Variants in MBP observed in about 807,000 individuals in gnomAD.
MBP encodes the protein myelin basic protein, also known as Golli-MBP.
In MBP, 16 loss-of-function variants were observed where a neutral mutation model predicts 35.8. The observed-to-expected ratio is 0.45, with a 90% CI of 0.30 to 0.68. The LOEUF (loss-of-function observed/expected upper bound fraction) is 0.68. MBP is among the 30% of genes least tolerant of loss of function. The probability of loss-of-function intolerance (pLI) is 0.08; values close to 1 mark genes in which losing one functional copy is unlikely to be tolerated. For synonymous variants in MBP, 143 were observed against 159.6 expected, an observed-to-expected ratio of 0.90 and a Z score of 0.78; for missense variants, 380 against 404.7, an observed-to-expected ratio of 0.94 and a Z score of 0.52.
intron 4 of MBP, chr18:77,016,560 AG>A: frequency 7.6e-7 from 1 of 1,321,700 alleles, no homozygotes; most frequent in Non-Finnish European, 9.7e-7. Context: ...AGGCACCCTT[AG>A]AGATCCAGAA....
chr18:77,016,155 T>A, intron 4 of MBP: 1 of 966,798 alleles, frequency 1.0e-6, no homozygotes, highest in Non-Finnish European at 1.2e-6. Context: ...ATAGCAGAGT[T>A]TTTTTTTTTT....
At chr18:76,987,143 C>G in intron 7 of MBP, 3 of 985,476 alleles carry the variant, frequency 3.0e-6, no homozygotes, top group Non-Finnish European at 3.6e-6. Flanking sequence ...TGTGCAACCC[C>G]CCATCGCTCC....
At chr18:77,042,680 G>A (rs1393109233) in intron 3 of MBP, among the ~76,000 whole-genome samples, 2 of 152,192 alleles carry the variant, frequency 1.3e-5, no homozygotes, top group East Asian at 3.8e-4. Flanking sequence ...CCTGGAGGTC[G>A]CAGGAACAAT....
chr18:77,006,070 T>C, intron 4 of MBP: 1 of 152,110 alleles, frequency 6.6e-6, no homozygotes, highest in Admixed American at 6.5e-5. Flanking sequence ...AGCCAAGCAT[T>C]TTTGGTTCTT....
chr18:76,996,868 T>C (rs8086213), intron 4 of MBP, among the ~76,000 whole-genome samples: 13,076 of 152,184 alleles, frequency 0.086, 732 homozygotes, highest in East Asian at 0.28. Context: ...TTTTGTGAAA[T>C]AGAATATAGA....
chr18:77,035,872 T>C (rs920254829), intron 3 of MBP, among the ~76,000 whole-genome samples: 3 of 152,230 alleles, frequency 2.0e-5, no homozygotes, highest in Non-Finnish European at 4.4e-5. Context: ...CAAGGGACTT[T>C]AAAGCTTTTT....
At chr18:77,011,713 A>G (rs1188901287) in intron 4 of MBP, among the ~76,000 whole-genome samples, 2 of 152,262 alleles carry the variant, frequency 1.3e-5, no homozygotes, top group African/African-American at 2.4e-5. Context: ...GGCTCCCTCA[A>G]GAGAGTTCAG....
At chr18:77,117,827 TG>T (rs1976725578) in intron 1 of MBP, among the ~76,000 whole-genome samples, 1 of 10,484 alleles carries the variant, frequency 9.5e-5, no homozygotes, top group Non-Finnish European at 2.1e-4. Flanking sequence ...TGGAGTGGGA[TG>T]GGGGTCAGTG....
At chr18:77,062,677 C>A (rs775105996) in intron 3 of MBP, among the ~76,000 whole-genome samples, 5 of 152,130 alleles carry the variant, frequency 3.3e-5, no homozygotes, top group African/African-American at 1.2e-4. Flanking sequence ...TTCACAGAGA[C>A]GAGGAGGAAG....
intron 1 of MBP, among the ~76,000 whole-genome samples, chr18:77,118,647 CA>C: frequency 1.9e-5 from 1 of 52,752 alleles, no homozygotes; most frequent in Non-Finnish European, 4.2e-5. Context: ...CACTACACAC[CA>C]CACACACACA....
At chr18:76,985,227 A>C (rs756378915) in intron 7 of MBP, 1 of 1,389,122 alleles carries the variant, frequency 7.2e-7, no homozygotes, top group African/African-American at 1.4e-5. Flanking sequence ...GGTGTTCAAG[A>C]GAAGATTAGC....
chr18:76,986,897 A>G, intron 7 of MBP: 1 of 985,488 alleles, frequency 1.0e-6, no homozygotes, highest in Non-Finnish European at 1.2e-6. Context: ...TGGGGAACCT[A>G]GAATGTACCA....
At chr18:77,071,887 C>T (rs1345934150) in intron 2 of MBP, among the ~76,000 whole-genome samples, 4 of 152,080 alleles carry the variant, frequency 2.6e-5, no homozygotes, top group African/African-American at 7.2e-5. Flanking sequence ...GGAAGTGCAC[C>T]GTGTTTATTT....
At chr18:77,060,432 GTT>G (rs375280278) in intron 3 of MBP, among the ~76,000 whole-genome samples, 2 of 136,392 alleles carry the variant, frequency 1.5e-5, no homozygotes, top group South Asian at 2.3e-4. Context: ...GAGTATAACT[GTT>G]TTCTCTCTCT....
chr18:77,025,592 C>T lies in MBP; in HGVS notation c.140-8324G>A, dbSNP rs1356409996. 2.6e-5 allele frequency among the ~76,000 whole-genome samples: 4 copies of T among 152,188 alleles called. No individual in the cohort carries two copies. In the East Asian group the frequency reaches 5.8e-4, roughly 22 times the overall value. On this transcript the variant is annotated intron_variant, in intron 3 of 8. Coordinates refer to ENST00000355994, the MANE Select transcript of MBP (RefSeq NM_001025101.2). ...AACGGCTCCAGGCTTGTTTAGGAAA[C>T]TGTCCCACTCTCATCTTGCTCTAAT...
intron 4 of MBP, among the ~76,000 whole-genome samples, chr18:76,994,089 A>T (rs1429741011): frequency 6.6e-6 from 1 of 152,156 alleles, no homozygotes; most frequent in Non-Finnish European, 1.5e-5. Context: ...CCTCCATGAG[A>T]GGGGGTGTGA....
intron 1 of MBP, among the ~76,000 whole-genome samples, chr18:77,126,597 C>T (rs534154917): frequency 2.0e-5 from 3 of 152,154 alleles, no homozygotes; most frequent in African/African-American, 7.2e-5. Flanking sequence ...ATAAAACTAT[C>T]CAATTTGCAG....
chr18:77,062,419 C>T (rs1568319771), intron 3 of MBP, among the ~76,000 whole-genome samples: 1 of 152,020 alleles, frequency 6.6e-6, no homozygotes, highest in South Asian at 2.1e-4. Context: ...GCTTGGACAA[C>T]GCCCAGTTCT....
At chr18:77,008,341 C>T (rs1971117500) in intron 4 of MBP, among the ~76,000 whole-genome samples, 1 of 152,180 alleles carries the variant, frequency 6.6e-6, no homozygotes, top group Non-Finnish European at 1.5e-5. Context: ...CAGTGCACCC[C>T]AGAGAAGAGG....
Sources: allele counts gnomAD v4.1 joint callset (sites outside exome capture counted in the v4.1 genomes callset), GRCh38; gene constraint gnomAD v4.1.1; transcripts MANE v1.5; gene names NCBI Gene and HGNC (gene_info 2026-07-23, HGNC 2026-07-21).